PDXDC1: variants seen among roughly 807,000 people sequenced by gnomAD.
PDXDC1 encodes pyridoxal-dependent decarboxylase domain-containing protein 1.
Under a neutral mutation model 100.1 loss-of-function variants are expected in PDXDC1, and 42 were observed. That is an observed-to-expected ratio of 0.42 (90% CI 0.33 to 0.54). The LOEUF is 0.54. Among genes scored for constraint, PDXDC1 ranks in the 20% least tolerant of loss-of-function variants. The probability of loss-of-function intolerance (pLI) is 0.10; values close to 1 mark genes in which losing one functional copy is unlikely to be tolerated. For synonymous variants in PDXDC1, 260 were observed against 371.7 expected, an observed-to-expected ratio of 0.70 and a Z score of 3.46; for missense variants, 636 against 979.2, an observed-to-expected ratio of 0.65 and a Z score of 4.68.
At position 15,072,919 on chromosome 16, in the gene PDXDC1, C is replaced by T. The variant is rs2045297633; in HGVS notation, c.1399+42863C>T. The T allele has an allele frequency of 1.9e-6, 3 of 1,607,592 alleles. No individual in the cohort carries two copies. The Admixed American group carries it at 5.1e-5, about 28-fold the overall frequency. ...AATTTTTGGGCAAAAACAAAGTAAG[C>T]TAAGATAATGTTAATCACATTCTTA... is the stretch of plus-strand genomic sequence containing the variant. On this transcript the variant is annotated intron_variant, in intron 16 of 16. Coordinates refer to the PDXDC1 transcript ENST00000535621.
chr16:15,147,498 G>A, the PDXDC1 span, among the ~76,000 whole-genome samples: 5 of 152,200 alleles, frequency 3.3e-5, no homozygotes, highest in African/African-American at 4.8e-5. Context: ...GCCCGGCGTG[G>A]CCACCGCGGG....
intron 16 of PDXDC1, chr16:15,068,169 T>C: frequency 6.4e-7 from 1 of 1,565,962 alleles, no homozygotes; most frequent in Non-Finnish European, 8.7e-7. Flanking sequence ...AATAACTTAC[T>C]TTGTGATTGC....
At chr16:15,041,226 G>T (rs778592812), downstream of PDXDC1, 2 of 773,734 alleles carry the variant, frequency 2.6e-6, no homozygotes, top group Non-Finnish European at 4.5e-6. Flanking sequence ...TGCAGAAAGG[G>T]AGGAAAATTC....
intron 3 of PDXDC1, among the ~76,000 whole-genome samples, chr16:15,000,952 T>C (rs1317756719): frequency 2.7e-5 from 4 of 149,424 alleles, no homozygotes; most frequent in Middle Eastern, 3.5e-3. Context: ...AATACACTTA[T>C]ATATTATAAG....
intron 1 of PDXDC1, among the ~76,000 whole-genome samples, chr16:14,980,112 C>T (rs1318705965): frequency 6.6e-6 from 1 of 152,266 alleles, no homozygotes; most frequent in Admixed American, 6.5e-5. Flanking sequence ...GTTCCTGATC[C>T]TAGATATTTA....
intron 16 of PDXDC1, among the ~76,000 whole-genome samples, chr16:15,096,115 TG>T (rs2046347972): frequency 6.6e-6 from 1 of 151,864 alleles, no homozygotes; most frequent in Admixed American, 6.6e-5. Context: ...TTTTGTTTTT[TG>T]TTTTTTTTTT....
rs2041843142 is a variant in PDXDC1 at position 15,017,015 on chromosome 16, A to G, written c.813-105A>G. 4.1e-6 allele frequency: 5 copies of G among 1,209,322 alleles called. No individual in the cohort carries two copies. The East Asian group carries it at 9.6e-5, about 23-fold the overall frequency. 74.9% of individuals were successfully genotyped at this position (1,209,322 alleles called of 1,614,324 possible). A position where few individuals can be genotyped will look rare whatever the true frequency, so the allele number is the denominator to read the frequency against. ...AATGAAAGCTAATAACATTAAAAAT[A>G]TACTTAAGTGTCAACTTGCAACAGC... On this transcript the variant is annotated intron_variant, in intron 9 of 22. Transcript: ENST00000396410.
intron 16 of PDXDC1, among the ~76,000 whole-genome samples, chr16:15,097,257 A>G (rs908694766): frequency 1.3e-5 from 2 of 151,450 alleles, no homozygotes; most frequent in African/African-American, 4.9e-5. Context: ...GTGACAAAGC[A>G]AAATCTCATC....
At chr16:15,042,324 TAC>T (rs2043854071), downstream of PDXDC1, among the ~76,000 whole-genome samples, 2 of 152,022 alleles carry the variant, frequency 1.3e-5, no homozygotes, top group Admixed American at 1.3e-4. Flanking sequence ...TAGCTGGGAT[TAC>T]AGACTTGCGC....
chr16:14,979,443 C>T (rs1190695736), intron 1 of PDXDC1, among the ~76,000 whole-genome samples: 2 of 152,278 alleles, frequency 1.3e-5, no homozygotes, highest in African/African-American at 4.8e-5. Context: ...GCACCCACCA[C>T]CACACCTGGC....
rs112406156 is a variant in PDXDC1, at chr16:15,065,467, A to G, written c.1399+35411A>G. On this transcript the variant is annotated intron_variant, in intron 16 of 16. Coordinates refer to the PDXDC1 transcript ENST00000535621. ...CGTGTGACAACTGTACCTACCACAG[A>G]GAAATTGCTGAATATAACAAGTGCT... 1,175 of 1,006,764 alleles carry G rather than the reference A, an allele frequency of 1.2e-3. 11 individuals are homozygous for G. The African/African-American group carries it at 0.017, about 15-fold the overall frequency. 62.4% of individuals were successfully genotyped at this position (1,006,764 alleles called of 1,614,324 possible). A position where few individuals can be genotyped will look rare whatever the true frequency, so the allele number is the denominator to read the frequency against.
chr16:15,044,459 C>G (rs370640726), intron 16 of PDXDC1: 1 of 1,160,664 alleles, frequency 8.6e-7, no homozygotes, highest in South Asian at 1.2e-5. Context: ...CCGGTGCGTG[C>G]GCTGGTCTCA....
At chr16:15,029,413 C>T (rs1292789889) in intron 15 of PDXDC1, 10 of 402,530 alleles carry the variant, frequency 2.5e-5, no homozygotes, top group South Asian at 1.7e-4. Context: ...TGTGGGATGG[C>T]GGCAGCAGCA....
chr16:15,137,802 G>A, intron 16 of PDXDC1: 1 of 1,583,050 alleles, frequency 6.3e-7, no homozygotes, highest in Non-Finnish European at 8.5e-7. Context: ...TGGCCAGCCA[G>A]GGAGTCAGGC....
chr16:15,083,619 T>C, intron 16 of PDXDC1: 3 of 1,585,746 alleles, frequency 1.9e-6, no homozygotes, highest in Non-Finnish European at 2.6e-6. Flanking sequence ...ATGTTAACTT[T>C]ACTTTCTAGA....
At chr16:15,098,858 A>G (rs2046445576) in intron 16 of PDXDC1, among the ~76,000 whole-genome samples, 1 of 152,026 alleles carries the variant, frequency 6.6e-6, no homozygotes, top group Non-Finnish European at 1.5e-5. Context: ...CAGCCTAGGC[A>G]TCAAAACTCC....
chr16:15,130,748 G>C, intron 16 of PDXDC1: 9 of 1,376,666 alleles, frequency 6.5e-6, no homozygotes, highest in Non-Finnish European at 9.3e-6. Context: ...CCGAGTGCAG[G>C]TAGACTGCCA....
chr16:15,053,865 T>C (rs1335621072), intron 16 of PDXDC1, among the ~76,000 whole-genome samples: 3 of 152,144 alleles, frequency 2.0e-5, no homozygotes, highest in Admixed American at 6.5e-5. Flanking sequence ...TGAGCCGAGA[T>C]TGTGCCACAG....
intron 16 of PDXDC1, among the ~76,000 whole-genome samples, chr16:15,089,289 C>G (rs1381710695): frequency 6.6e-6 from 1 of 151,952 alleles, no homozygotes; most frequent in East Asian, 1.9e-4. Flanking sequence ...AGACTCTGTT[C>G]TGCCCGTCCC....
Sources: gnomAD v4.1 joint callset for allele counts (sites outside exome capture counted in the v4.1 genomes callset) on GRCh38, gnomAD v4.1.1 for gene constraint, MANE v1.5 for transcripts, NCBI Gene and HGNC (gene_info 2026-07-23, HGNC 2026-07-21) for gene names.